Variants in BTG4 observed in about 807,000 individuals in gnomAD.
The protein encoded by BTG4 is protein BTG4.
A neutral mutation model predicts 19.3 loss-of-function variants in BTG4; 10 were observed. The observed-to-expected ratio is 0.52, with a 90% CI of 0.32 to 0.88. The LOEUF is 0.88. Ranked by LOEUF, BTG4 falls within the 40% of genes least tolerant of loss-of-function variation. BTG4 has a pLI of 0.04. For missense variants in BTG4, 238 were observed against 281.9 expected, an observed-to-expected ratio of 0.84 and a Z score of 1.11; for synonymous variants, 91 against 95.7, an observed-to-expected ratio of 0.95 and a Z score of 0.29.
chr11:111,417,543 G>T, the BTG4 span: 2 of 152,088 alleles, frequency 1.3e-5, no homozygotes, highest in Non-Finnish European at 2.9e-5. Context: ...CTGAGCTCTC[G>T]GAGCCCTTGG....
intron 5 of BTG4, among the ~76,000 whole-genome samples, chr11:111,486,753 T>G (rs1338467993): frequency 2.0e-5 from 3 of 152,192 alleles, no homozygotes; most frequent in Non-Finnish European, 4.4e-5. Flanking sequence ...CAAAAAATAA[T>G]GTGATATATC....
At chr11:111,490,770 G>C (rs1009557969), downstream of BTG4, among the ~76,000 whole-genome samples, 8 of 152,306 alleles carry the variant, frequency 5.3e-5, no homozygotes, top group Middle Eastern at 3.4e-3. Context: ...ACCAAAGACT[G>C]GTAAGTGTGT....
rs150217585 is a variant in BTG4 at position 111,482,928 on chromosome 11, G to A, written c.662+12235C>T. On this transcript the variant is annotated intron_variant, in intron 5 of 5. Transcript: ENST00000356018. The stretch of plus-strand genomic sequence containing the variant: ...CTATAAGAGAAAAATGAATGAATTC[G>A]ACTTCATCAAAATTAAAAGATTTTG... Among the ~76,000 whole-genome samples, 9 of 151,882 alleles carry A rather than the reference G, an allele frequency of 5.9e-5. No homozygotes were observed. The South Asian group carries it at 1.2e-3, about 21-fold the overall frequency.
the BTG4 span, among the ~76,000 whole-genome samples, chr11:111,395,951 G>A: frequency 2.0e-5 from 3 of 152,212 alleles, no homozygotes; most frequent in Non-Finnish European, 2.9e-5. Context: ...CAGCTATCTC[G>A]CAGAAGCCGC....
chr11:111,422,176 G>A, the BTG4 span, among the ~76,000 whole-genome samples: 2 of 152,268 alleles, frequency 1.3e-5, no homozygotes, highest in African/African-American at 4.8e-5. Flanking sequence ...AGGGTCTTCT[G>A]GTCTCAGCGA....
the BTG4 span, chr11:111,453,697 C>A: frequency 2.8e-6 from 1 of 358,476 alleles, no homozygotes; most frequent in South Asian, 2.1e-5. Context: ...CTTCATTCAT[C>A]CACTGATTTG....
the BTG4 span, among the ~76,000 whole-genome samples, chr11:111,421,173 G>C: frequency 6.6e-6 from 1 of 152,212 alleles, no homozygotes; most frequent in Non-Finnish European, 1.5e-5. Context: ...AGCTCTCAGA[G>C]AGGGCACCTC....
At chr11:111,488,699 G>A (rs934856162) in intron 5 of BTG4, among the ~76,000 whole-genome samples, 18 of 152,310 alleles carry the variant, frequency 1.2e-4, no homozygotes, top group African/African-American at 4.1e-4. Context: ...CTACCCATCT[G>A]ACAGGTATTA....
intron 1 of BTG4, among the ~76,000 whole-genome samples, chr11:111,507,226 C>T (rs192883010): frequency 6.6e-6 from 1 of 152,116 alleles, no homozygotes; most frequent in East Asian, 1.9e-4. Context: ...CTCCTTTTGG[C>T]TTAATAGAGT....
intron 1 of BTG4, among the ~76,000 whole-genome samples, chr11:111,502,498 C>A (rs1311077501): frequency 6.6e-6 from 1 of 152,060 alleles, no homozygotes; most frequent in Non-Finnish European, 1.5e-5. Context: ...TATTTTCTAG[C>A]CATTTGCTAG....
At chr11:111,459,577 TAACCCGC>T in the BTG4 span, 11,290 of 152,734 alleles carry the variant, frequency 0.074, 569 homozygotes, top group Non-Finnish European at 0.11. Flanking sequence ...GGGTGATGCT[TAACCCGC>T]AACTCCTCCT....
At chr11:111,444,182 G>GGTGT in the BTG4 span, among the ~76,000 whole-genome samples, 229 of 131,862 alleles carry the variant, frequency 1.7e-3, 2 homozygotes, top group Admixed American at 0.012. Context: ...TACCCTGAGG[G>GGTGT]GTGTGTGTGT....
chr11:111,505,457 A>G (rs1591532516), intron 1 of BTG4, among the ~76,000 whole-genome samples: 1 of 152,036 alleles, frequency 6.6e-6, no homozygotes, highest in East Asian at 1.9e-4. Flanking sequence ...ATCTCTTAAC[A>G]TATACAAAAT....
At chr11:111,405,270 G>T in the BTG4 span, among the ~76,000 whole-genome samples, 1 of 151,968 alleles carries the variant, frequency 6.6e-6, no homozygotes, top group Non-Finnish European at 1.5e-5. Context: ...CAGGCCTGGT[G>T]GTGGGCACCT....
the BTG4 span, among the ~76,000 whole-genome samples, chr11:111,391,985 A>G: frequency 6.6e-6 from 1 of 152,104 alleles, no homozygotes; most frequent in East Asian, 1.9e-4. Flanking sequence ...TCAGTCACAC[A>G]GTAAGCACTC....
chr11:111,504,747 G>T (rs1245016453), intron 1 of BTG4, among the ~76,000 whole-genome samples: 3 of 151,882 alleles, frequency 2.0e-5, no homozygotes, highest in Non-Finnish European at 4.4e-5. Context: ...AGACTCCTTG[G>T]CCTGATTAAC....
the BTG4 span, among the ~76,000 whole-genome samples, chr11:111,392,583 G>A: frequency 2.0e-5 from 3 of 152,072 alleles, no homozygotes; most frequent in Admixed American, 6.5e-5. Flanking sequence ...AACAAATTCC[G>A]AGGTGATGCT....
intron 5 of BTG4, among the ~76,000 whole-genome samples, chr11:111,477,660 G>A (rs1864474145): frequency 6.6e-6 from 1 of 152,068 alleles, no homozygotes; most frequent in African/African-American, 2.4e-5. Flanking sequence ...GGAAGATATG[G>A]AGGTGAGTTC....
At chr11:111,466,365 C>G (rs992995675), downstream of BTG4, among the ~76,000 whole-genome samples, 9 of 152,166 alleles carry the variant, frequency 5.9e-5, no homozygotes, top group Non-Finnish European at 1.3e-4. Context: ...AAGTAAGATT[C>G]TTAAATATAT....
Sources: allele counts gnomAD v4.1 joint callset (sites outside exome capture counted in the v4.1 genomes callset), GRCh38; gene constraint gnomAD v4.1.1; transcripts MANE v1.5; gene names NCBI Gene and HGNC (gene_info 2026-07-23, HGNC 2026-07-21).